Variants in RPIA observed in about 807,000 individuals in gnomAD.
RPIA encodes ribose-5-phosphate isomerase.
Under a neutral mutation model 37.8 loss-of-function variants are expected in RPIA, and 29 were observed. The observed-to-expected ratio is 0.77, with a 90% confidence interval of 0.57 to 1.05. The LOEUF is 1.05. RPIA is among the 50% of genes least tolerant of loss of function. The pLI is 0.00. For synonymous variants in RPIA, 167 were observed against 157.0 expected (o/e 1.06, Z -0.48); for missense variants, 385 against 413.6 (o/e 0.93, Z 0.60).
intron 3 of RPIA, among the ~76,000 whole-genome samples, chr2:88,717,485 A>G (rs1484660201): frequency 2.0e-5 from 3 of 152,160 alleles, no homozygotes; most frequent in Non-Finnish European, 4.4e-5. Flanking sequence ...GGTCATAGGT[A>G]AATAAGAGAC....
Position 88,693,084 on chromosome 2 carries a change from T to C in RPIA, c.285+1101T>C, listed in dbSNP as rs117724624. Among the ~76,000 whole-genome samples the C allele has an allele frequency of 9.8e-5, 15 of 152,360 alleles. No homozygotes were observed. The East Asian group carries it at 2.9e-3, about 29-fold the overall frequency. On this transcript the variant is annotated intron_variant, in intron 1 of 8. Coordinates refer to ENST00000283646, the MANE Select transcript of RPIA (RefSeq NM_144563.3). ...TAAAATGTGTTAATTTGACCCTACC[T>C]TTGGGATTCAGTGCCTCCGTTGTAA...
chr2:88,716,294 G>A (rs370291994), intron 3 of RPIA, among the ~76,000 whole-genome samples: 4 of 152,118 alleles, frequency 2.6e-5, no homozygotes, highest in African/African-American at 9.7e-5. Flanking sequence ...AGGTACATCT[G>A]ATACATATTG....
At chr2:88,738,477 T>C (rs955444331) in intron 8 of RPIA, among the ~76,000 whole-genome samples, 1 of 152,200 alleles carries the variant, frequency 6.6e-6, no homozygotes, top group East Asian at 1.9e-4. Context: ...CCACATTCAT[T>C]GGATGCATGC....
intron 1 of RPIA, among the ~76,000 whole-genome samples, chr2:88,697,672 C>T (rs1024378045): frequency 6.6e-6 from 1 of 152,166 alleles, no homozygotes; most frequent in East Asian, 1.9e-4. Context: ...ACTTTGTACT[C>T]AGGAAGTGCT....
intron 3 of RPIA, among the ~76,000 whole-genome samples, chr2:88,719,004 C>G (rs1404351412): frequency 6.6e-6 from 1 of 152,132 alleles, no homozygotes; most frequent in African/African-American, 2.4e-5. Flanking sequence ...TACTGTTCTG[C>G]TTGATATTCA....
At chr2:88,692,134 G>A in intron 1 of RPIA, 151 bp downstream of exon 1, 1 of 962,878 alleles carries the variant, frequency 1.0e-6, no homozygotes, top group Non-Finnish European at 1.5e-6. Context: ...CCCGAGTTTA[G>A]ACCCCTCTTC....
Position 88,696,270 on chromosome 2 carries a change from T to C in RPIA, c.286-2214T>C, listed in dbSNP as rs1672743636. On this transcript the variant is annotated intron_variant, in intron 1 of 8. Coordinates refer to ENST00000283646, the MANE Select transcript of RPIA (RefSeq NM_144563.3). ...AACTTCCTGAAGTTGCTTATTCGAT[T>C]GAAATGGCTCATCCTGTAATCCCAG... Among the ~76,000 whole-genome samples the C allele has an allele frequency of 2.0e-5, 3 of 152,200 alleles. 1 individual carries two copies. In the South Asian group the frequency reaches 6.2e-4, roughly 31 times the overall value.
At chr2:88,713,343 C>G (rs575781544) in intron 3 of RPIA, among the ~76,000 whole-genome samples, 1 of 151,100 alleles carries the variant, frequency 6.6e-6, no homozygotes, top group East Asian at 1.9e-4. Context: ...TATCTTTATG[C>G]GACTTTTCCT....
At chr2:88,704,040 C>G (rs917451860) in intron 3 of RPIA, among the ~76,000 whole-genome samples, 4 of 152,144 alleles carry the variant, frequency 2.6e-5, no homozygotes, top group Non-Finnish European at 4.4e-5. Context: ...GCTCCATTTC[C>G]CAACAAGTTT....
intron 3 of RPIA, among the ~76,000 whole-genome samples, chr2:88,724,603 C>T (rs2104117071): frequency 6.6e-6 from 1 of 152,280 alleles, no homozygotes; most frequent in African/African-American, 2.4e-5. Context: ...ACCACTGTGC[C>T]TGGCAGCTCC....
At chr2:88,735,225 A>G (rs1428888808) in intron 5 of RPIA, among the ~76,000 whole-genome samples, 1 of 152,218 alleles carries the variant, frequency 6.6e-6, no homozygotes, top group East Asian at 1.9e-4. Context: ...TTAGCTGCTA[A>G]ACCCTAGAGG....
At chr2:88,720,261 C>T (rs894940773) in intron 3 of RPIA, among the ~76,000 whole-genome samples, 24 of 151,448 alleles carry the variant, frequency 1.6e-4, no homozygotes, top group Non-Finnish European at 3.2e-4. Flanking sequence ...AGTTTTTTTT[C>T]GTAAGCAAAT....
intron 3 of RPIA, among the ~76,000 whole-genome samples, chr2:88,711,142 A>G (rs1672956302): frequency 6.6e-6 from 1 of 152,222 alleles, no homozygotes; most frequent in African/African-American, 2.4e-5. Context: ...TGGTGGGCGC[A>G]AGCATCCTTT....
intron 8 of RPIA, among the ~76,000 whole-genome samples, chr2:88,749,151 T>C (rs1005388569): frequency 6.6e-6 from 1 of 152,248 alleles, no homozygotes; most frequent in Non-Finnish European, 1.5e-5. Context: ...AACAGTTGTA[T>C]ATCTAGGAGT....
chr2:88,740,195 T>G (rs151076921), intron 8 of RPIA, among the ~76,000 whole-genome samples: 3 of 152,270 alleles, frequency 2.0e-5, no homozygotes, highest in Admixed American at 6.5e-5. Context: ...CAGTGCCCAC[T>G]AGGTGTCACT....
intron 1 of RPIA, 110 bp downstream of exon 1, chr2:88,692,093 CTGAG>C: frequency 7.3e-7 from 1 of 1,374,896 alleles, no homozygotes; most frequent in South Asian, 1.4e-5. Flanking sequence ...AGGGCGGGAG[CTGAG>C]TGAGAGGGTA....
intron 3 of RPIA, among the ~76,000 whole-genome samples, chr2:88,721,550 C>A (rs968563570): frequency 2.5e-4 from 11 of 43,598 alleles, no homozygotes; most frequent in Non-Finnish European, 3.9e-4. Flanking sequence ...ATTATACACA[C>A]ACACACACAC....
chr2:88,692,123 A>C, intron 1 of RPIA, 140 bp downstream of exon 1: 1 of 1,094,282 alleles, frequency 9.1e-7, no homozygotes, highest in Non-Finnish European at 1.3e-6. Flanking sequence ...TGTGCACTTT[A>C]CCCGAGTTTA....
intron 3 of RPIA, among the ~76,000 whole-genome samples, chr2:88,723,804 G>T (rs1238795623): frequency 6.6e-6 from 1 of 152,064 alleles, no homozygotes; most frequent in Non-Finnish European, 1.5e-5. Flanking sequence ...AGCACAGTTT[G>T]GTTTTGTACG....
Sources: allele counts gnomAD v4.1 joint callset (sites outside exome capture counted in the v4.1 genomes callset), GRCh38; gene constraint gnomAD v4.1.1; transcripts MANE v1.5; gene names NCBI Gene and HGNC (gene_info 2026-07-23, HGNC 2026-07-21).